ACIN1: variants seen among roughly 807,000 people sequenced by gnomAD.
ACIN1 encodes apoptotic chromatin condensation inducer in the nucleus.
ACIN1 carries 16 observed loss-of-function variants against 146.6 expected under a neutral mutation model. The ratio of observed to expected loss-of-function variants is 0.11; its 90% CI spans 0.07 to 0.17. ACIN1 has a LOEUF of 0.17. Ranked by LOEUF, ACIN1 falls within the 10% of genes least tolerant of loss-of-function variation. ACIN1 has a pLI of 1.00. For synonymous variants in ACIN1, 569 were observed against 582.7 expected (o/e 0.98, Z 0.34); for missense variants, 1,357 against 1,609.3 (o/e 0.84, Z 2.68).
At chr14:23,066,697 A>G (rs1189947257) in intron 9 of ACIN1, among the ~76,000 whole-genome samples, 1 of 152,192 alleles carries the variant, frequency 6.6e-6, no homozygotes, top group Non-Finnish European at 1.5e-5. Flanking sequence ...GTTTTTATGA[A>G]GGGCAGATTG....
chr14:23,069,648 G>GGGGGGC, intron 8 of ACIN1, 31 bp from the exon 9 acceptor site: 16 of 589,362 alleles, frequency 2.7e-5, no homozygotes, highest in Admixed American at 4.5e-5. Context: ...TGGTGGGGGG[G>GGGGGGC]CGGGCAGAAA....
chr14:23,064,896 C>CAAAAAAAAAAA (rs55914303), intron 10 of ACIN1, among the ~76,000 whole-genome samples: 14 of 116,458 alleles, frequency 1.2e-4, no homozygotes, highest in East Asian at 7.1e-4. Flanking sequence ...GACTCCGTCT[C>CAAAAAAAAAAA]AAAAAAAAAA....
chr14:23,087,606 A>T (rs1047503408), intron 4 of ACIN1, among the ~76,000 whole-genome samples: 6 of 151,748 alleles, frequency 4.0e-5, no homozygotes, highest in African/African-American at 1.5e-4. Flanking sequence ...TTCATTTCGA[A>T]TTATATTAAG....
At chr14:23,061,257 A>G (rs1233859950) in intron 17 of ACIN1, 41 bp downstream of exon 17, 1 of 1,613,616 alleles carries the variant, frequency 6.2e-7, no homozygotes, top group African/African-American at 1.3e-5. Context: ...TCCCTTTCCC[A>G]CCTACTAGTG....
At chr14:23,072,905 G>A (rs1253830277) in intron 8 of ACIN1, among the ~76,000 whole-genome samples, 2 of 152,200 alleles carry the variant, frequency 1.3e-5, no homozygotes, top group Non-Finnish European at 2.9e-5. Context: ...CAAGTTCCTG[G>A]TTCTGTATAT....
At position 23,069,552 on chromosome 14, in the gene ACIN1, G is replaced by A; in HGVS notation, c.2189C>T (p.Pro730Leu). The change falls in exon 9 of 19, where the codon CCT becomes CTT. Residue 730 changes from proline to leucine, a missense_variant. Transcript: ENST00000605057. ...GACTTGGTCTGCAATAGGCATGGGA[G>A]GTTCTGGAACATCATTTTCAGGTCT... ...ENRPENDVPE[P>L]PMPIADQVSN... The A allele has an allele frequency of 6.2e-7, 1 of 1,613,886 alleles. No homozygotes were observed. The highest frequency in any genetic ancestry group is 8.5e-7 in the Non-Finnish European group (1 of 1,179,940).
chr14:23,067,620 T>C lies in ACIN1; in HGVS notation c.2266-1612A>G. 1 of 985,946 alleles carries C rather than the reference T, an allele frequency of 1.0e-6. No homozygotes were observed. The highest frequency in any genetic ancestry group is 1.2e-6 in the Non-Finnish European group (1 of 829,990). The allele number at this position is 985,946 out of a possible 1,614,324, so 61.1% of individuals were successfully genotyped here. A position where few individuals can be genotyped will look rare whatever the true frequency, so the allele number is the denominator to read the frequency against. ...GGGAAAGGGGCAGAGACATCAGTCC[T>C]GGCCCTGAAGGGACATCATCTTGCA... On this transcript the variant is annotated intron_variant, in intron 9 of 18. Transcript: ENST00000605057. This position sits in a 1 kb window ranked among gnomAD's most constrained non-coding sequence, Gnocchi z 4.6.
At chr14:23,072,962 T>C (rs1474762747) in intron 8 of ACIN1, among the ~76,000 whole-genome samples, 2 of 152,248 alleles carry the variant, frequency 1.3e-5, no homozygotes, top group African/African-American at 4.8e-5. Flanking sequence ...ACCTATTTCA[T>C]GGAACAGTGT....
chr14:23,069,228 T>A (rs2047552339), intron 9 of ACIN1: 2 of 1,198,826 alleles, frequency 1.7e-6, no homozygotes, highest in Admixed American at 4.4e-5. Context: ...TCCCGTTAGT[T>A]ACAAACGTCT....
chr14:23,067,640 C>A lies in ACIN1; in HGVS notation c.2266-1632G>T, dbSNP rs750970502. 3.9e-5 allele frequency: 38 copies of A among 985,796 alleles called. No homozygotes were observed. Among genetic ancestry groups the A allele is most frequent in the Non-Finnish European group, 3.7e-5 (31 of 829,968 alleles). 61.1% of individuals were successfully genotyped at this position (985,796 alleles called of 1,614,324 possible). A position where few individuals can be genotyped will look rare whatever the true frequency, so the allele number is the denominator to read the frequency against. On this transcript the variant is annotated intron_variant, in intron 9 of 18. Transcript: ENST00000605057. This position sits in a 1 kb window ranked among gnomAD's most constrained non-coding sequence, Gnocchi z 4.6. Reference sequence around the variant, plus strand: ...AGTCCTGGCCCTGAAGGGACATCATCTTGCAGTCCCTGATGAGATGGCCTG... The same window carrying A: ...AGTCCTGGCCCTGAAGGGACATCATATTGCAGTCCCTGATGAGATGGCCTG...
At chr14:23,076,189 T>C (rs2047796612) in intron 8 of ACIN1, among the ~76,000 whole-genome samples, 1 of 152,164 alleles carries the variant, frequency 6.6e-6, no homozygotes. Flanking sequence ...ATTTACCAGA[T>C]CCAATGCCTA....
rs761354491 is a variant in ACIN1, at chr14:23,069,456, T to C, written c.2265+20A>G. 2.4e-5 allele frequency: 38 copies of C among 1,611,156 alleles called. No individual in the cohort carries two copies. The highest frequency in any genetic ancestry group is 4.0e-5 in the African/African-American group (3 of 74,894). On this transcript the variant is annotated intron_variant, in intron 9 of 18. Coordinates refer to ENST00000605057, the MANE Select transcript of ACIN1 (RefSeq NM_001386863.1). ...GTCCATTCCTGCCCACCCGCCCCAA[T>C]AGGTGGCTTGGATGTTTACCTCTTT...
chr14:23,061,303 T>C lies in ACIN1; in HGVS notation c.3419A>G (p.Lys1140Arg). The change falls in exon 17 of 19, where the codon AAG becomes AGG. Residue 1140 changes from lysine (K) to arginine (R), a missense_variant. By Grantham distance (26) the Lys-to-Arg change is conservative. Around this residue, in one of 4 missense-constraint regions of ACIN1, gnomAD observed 509 missense variants for 719.6 expected, o/e 0.71. Coordinates refer to ENST00000605057, the MANE Select transcript of ACIN1 (RefSeq NM_001386863.1). ...RAKSKEKKSEKKEKAQEEPPA... is the reference protein window; with the variant it reads ...RAKSKEKKSERKEKAQEEPPA... ...CCCCATAGCTAAGTACCTACCTTTC[T>C]TCTCACTCTTCTTTTCTTTAGACTT... The C allele has an allele frequency of 6.2e-7, 1 of 1,613,868 alleles. No homozygotes were observed. The highest frequency in any genetic ancestry group is 8.5e-7 in the Non-Finnish European group (1 of 1,179,796).
chr14:23,081,034 T>C (rs2047930939), intron 5 of ACIN1, among the ~76,000 whole-genome samples: 1 of 150,086 alleles, frequency 6.7e-6, no homozygotes, highest in Non-Finnish European at 1.5e-5. Flanking sequence ...GTATGTAGTT[T>C]AAATTTTAGC....
rs1047752836 is a variant in ACIN1, at chr14:23,078,684, A to C, written c.2007+136T>G. 9 of 948,720 alleles carry C rather than the reference A, an allele frequency of 9.5e-6. No individual in the cohort carries two copies. The African/African-American group carries it at 1.3e-4, about 14-fold the overall frequency. The allele number at this position is 948,720 out of a possible 1,614,324, so 58.8% of individuals were successfully genotyped here. On this transcript the variant is annotated intron_variant, in intron 7 of 18. Coordinates refer to ENST00000605057, the MANE Select transcript of ACIN1 (RefSeq NM_001386863.1). The stretch of plus-strand genomic sequence containing the variant: ...GAACCAGGGAGCTGGAAATGAGTTA[A>C]GCAGGATTAACAGGTATCCACCACA...
Position 23,064,187 on chromosome 14 carries a change from C to T in ACIN1, c.2513G>A (p.Arg838His), listed in dbSNP as rs758297526. 27 of 1,613,986 alleles carry T rather than the reference C, an allele frequency of 1.7e-5. No individual in the cohort carries two copies. The highest frequency in any genetic ancestry group is 2.7e-5 in the African/African-American group (2 of 74,918). ...AVVDLHADDS[R>H]ISEDETERNG... ...ACGCTCTGTCTCATCCTCAGAGATG[C>T]GAGAGTCATCAGCATGAAGATCCAC... is the stretch of plus-strand genomic sequence containing the variant. Residue 838 changes from arginine (R) to histidine (H), a missense_variant, in exon 12 of 19, where the codon CGC becomes CAC. This residue lies in a region of ACIN1 where 509 missense variants were observed against 719.6 expected (regional missense o/e 0.71). Transcript: ENST00000605057.
At chr14:23,059,653 CTTT>C (rs376703295) in intron 18 of ACIN1, among the ~76,000 whole-genome samples, 179 bp from the exon 19 acceptor site, 2 of 138,630 alleles carry the variant, frequency 1.4e-5, no homozygotes, top group African/African-American at 2.7e-5. Flanking sequence ...TAGTTTCAGC[CTTT>C]TTTTTTTTTT....
chr14:23,084,224 G>A (rs754112841), intron 4 of ACIN1, among the ~76,000 whole-genome samples: 11 of 152,158 alleles, frequency 7.2e-5, no homozygotes, highest in Non-Finnish European at 1.5e-4. Context: ...TGGGATTACA[G>A]GTGTAAGCCA....
At chr14:23,085,807 CAGTG>C (rs757193710) in intron 4 of ACIN1, among the ~76,000 whole-genome samples, 1 of 152,182 alleles carries the variant, frequency 6.6e-6, no homozygotes, top group Non-Finnish European at 1.5e-5. Flanking sequence ...CACGTGTAGA[CAGTG>C]AGCGCTTTAG....
Sources: gnomAD v4.1 joint callset for allele counts (sites outside exome capture counted in the v4.1 genomes callset) on GRCh38, gnomAD v4.1.1 for gene constraint, gnomAD v4.1.1 regional missense constraint, Gnocchi (gnomAD v3.1) non-coding constraint, MANE v1.5 for transcripts, NCBI Gene and HGNC (gene_info 2026-07-23, HGNC 2026-07-21) for gene names.